The following RUNX1T1 variants were observed in gnomAD, a reference collection of about 807,000 sequenced individuals.
RUNX1T1 encodes protein CBFA2T1.
A neutral mutation model predicts 62.8 loss-of-function variants in RUNX1T1; 4 were observed. That is an observed-to-expected ratio of 0.06 (90% CI 0.03 to 0.15). The LOEUF (loss-of-function observed/expected upper bound fraction) is 0.15. RUNX1T1 is among the 10% of genes least tolerant of loss of function. RUNX1T1 has a pLI of 1.00. For synonymous variants in RUNX1T1, 291 were observed against 286.0 expected, an observed-to-expected ratio of 1.02 and a Z score of -0.18; for missense variants, 508 against 754.3, an observed-to-expected ratio of 0.67 and a Z score of 3.82.
chr8:91,971,896 G>A (rs1935725571), intron 9 of RUNX1T1, among the ~76,000 whole-genome samples: 1 of 152,074 alleles, frequency 6.6e-6, no homozygotes, highest in Middle Eastern at 3.2e-3. Context: ...AAAATTAACT[G>A]TTCTAATTAA....
exon 6 of RUNX1T1, chr8:91,991,856 C>T: frequency 2.5e-6 from 4 of 1,614,066 alleles, no homozygotes; most frequent in South Asian, 1.1e-5. Flanking sequence ...GTTCTGAGTG[C>T]AAAGGCTCTC....
chr8:92,072,106 T>C (rs1295803381), intron 2 of RUNX1T1, among the ~76,000 whole-genome samples: 1 of 152,214 alleles, frequency 6.6e-6, no homozygotes. Context: ...TTAATCAAGA[T>C]GGATCAAAGA....
chr8:91,960,489 C>G (rs1200657411), exon 11 of RUNX1T1: 1 of 1,614,162 alleles, frequency 6.2e-7, no homozygotes, highest in Non-Finnish European at 8.5e-7. Flanking sequence ...GCAGGTTTCA[C>G]TCGCTTTACG....
At chr8:92,083,544 A>G (rs963516332) in intron 1 of RUNX1T1, among the ~76,000 whole-genome samples, 2 of 152,224 alleles carry the variant, frequency 1.3e-5, no homozygotes, top group South Asian at 2.1e-4. Context: ...CAAAACCACA[A>G]TGAGATACCA....
intron 1 of RUNX1T1, among the ~76,000 whole-genome samples, chr8:92,034,809 C>CATATATAT (rs1563811208): frequency 2.2e-5 from 3 of 139,268 alleles, no homozygotes; most frequent in African/African-American, 9.6e-5. Context: ...CACACACACA[C>CATATATAT]ACACACACAC....
intron 1 of RUNX1T1, among the ~76,000 whole-genome samples, chr8:92,018,482 C>T (rs1049873970): frequency 2.6e-5 from 4 of 152,216 alleles, no homozygotes; most frequent in Non-Finnish European, 5.9e-5. Flanking sequence ...CATGAACACA[C>T]ACACACCCAA....
At chr8:92,048,590 G>C (rs1434838043) in intron 1 of RUNX1T1, among the ~76,000 whole-genome samples, 1 of 151,882 alleles carries the variant, frequency 6.6e-6, no homozygotes, top group Non-Finnish European at 1.5e-5. Flanking sequence ...GGGAGGGGTG[G>C]GGAAAAGTAA....
chr8:91,955,561 G>A (rs920683164), downstream of RUNX1T1: 27 of 226,180 alleles, frequency 1.2e-4, no homozygotes, highest in East Asian at 1.7e-3. Context: ...ACAAGTTAGA[G>A]AAGCCTGGCC....
At chr8:92,063,167 CATTTTT>C (rs980529910), upstream of RUNX1T1, among the ~76,000 whole-genome samples, 1 of 151,852 alleles carries the variant, frequency 6.6e-6, no homozygotes, top group Non-Finnish European at 1.5e-5. Flanking sequence ...AGCCTACAAA[CATTTTT>C]ATAAGACTTT....
intron 1 of RUNX1T1, among the ~76,000 whole-genome samples, chr8:92,091,651 C>G (rs765860249): frequency 6.6e-6 from 1 of 152,130 alleles, no homozygotes; most frequent in Non-Finnish European, 1.5e-5. Context: ...AGCATCTTTT[C>G]TTAAAAGTGT....
At chr8:92,061,508 A>G (rs2130595191) in intron 1 of RUNX1T1, among the ~76,000 whole-genome samples, 1 of 152,364 alleles carries the variant, frequency 6.6e-6, no homozygotes, top group Middle Eastern at 3.4e-3. Flanking sequence ...TCTACTAATG[A>G]AAAAGTGCAA....
In RUNX1T1 at chr8:92,000,071, C is replaced by T. The variant is rs373731703; in HGVS notation, c.659+5045G>A. Among the ~76,000 whole-genome samples, 10 of 152,068 alleles carry T rather than the reference C, an allele frequency of 6.6e-5. No homozygotes were observed. In the South Asian group the frequency reaches 1.0e-3, roughly 16 times the overall value. On this transcript the variant is annotated intron_variant, in intron 5 of 10. Transcript: ENST00000396218. ...CTGTAATCCCAGCACTTTGGGAGGC[C>T]GAGATGGGTGGATCACCTGAGGTCA... is the stretch of plus-strand genomic sequence containing the variant.
At chr8:91,959,849 A>T in exon 11 of RUNX1T1, 1 of 283,972 alleles carries the variant, frequency 3.5e-6, no homozygotes, top group Admixed American at 4.7e-5. Flanking sequence ...TAATATTAGC[A>T]TTTTTGCTTT....
intron 4 of RUNX1T1, among the ~76,000 whole-genome samples, chr8:92,007,396 G>A (rs1037689757): frequency 6.6e-6 from 1 of 151,998 alleles, no homozygotes; most frequent in African/African-American, 2.4e-5. Flanking sequence ...GAAACCAGGA[G>A]ATGGAGGTTG....
chr8:91,968,519 T>C lies in RUNX1T1; in HGVS notation c.1458+2139A>G, dbSNP rs193109381. The stretch of plus-strand genomic sequence containing the variant: ...GGGCGTAAAGAGATCTTTTTTTCCA[T>C]CTTTCTTTCTTCTATTCTTGGGAAA... On this transcript the variant is annotated intron_variant, in intron 10 of 10. Coordinates refer to ENST00000396218, the Ensembl canonical transcript of RUNX1T1. 1.2e-3 allele frequency among the ~76,000 whole-genome samples: 190 copies of C among 152,280 alleles called. 1 individual carries two copies. The highest frequency in any genetic ancestry group is 0.012 in the South Asian group (60 of 4,826).
At chr8:91,978,459 T>C (rs1213886052) in intron 8 of RUNX1T1, among the ~76,000 whole-genome samples, 2 of 152,196 alleles carry the variant, frequency 1.3e-5, no homozygotes, top group African/African-American at 2.4e-5. Flanking sequence ...AGAATGGCTA[T>C]ATAATTATTT....
intron 1 of RUNX1T1, among the ~76,000 whole-genome samples, chr8:92,083,657 T>C (rs999762196): frequency 2.6e-5 from 4 of 152,150 alleles, no homozygotes; most frequent in Admixed American, 2.0e-4. Flanking sequence ...GGTGGGGGTA[T>C]AAATTAGTTC....
intron 1 of RUNX1T1, among the ~76,000 whole-genome samples, chr8:92,028,079 G>GA (rs1825562425): frequency 9.7e-6 from 1 of 102,722 alleles, no homozygotes; most frequent in Non-Finnish European, 2.0e-5. Context: ...GAATAAATGG[G>GA]GGGGGGGGTG....
chr8:92,006,344 C>T (rs1277468987), intron 4 of RUNX1T1: 1 of 152,138 alleles, frequency 6.6e-6, no homozygotes, highest in Non-Finnish European at 1.5e-5. Context: ...CACTCATCCC[C>T]AATCACACTT....
Sources: allele counts gnomAD v4.1 joint callset (sites outside exome capture counted in the v4.1 genomes callset), GRCh38; gene constraint gnomAD v4.1.1; transcripts MANE v1.5; gene names NCBI Gene and HGNC (gene_info 2026-07-23, HGNC 2026-07-21).